The following DDX41 variants were observed in gnomAD, a reference collection of about 807,000 sequenced individuals.
DDX41 encodes DEAD-box helicase 41.
In DDX41, 50 loss-of-function variants were observed where a neutral mutation model predicts 78.8. The ratio of observed to expected loss-of-function variants is 0.63; its 90% confidence interval spans 0.51 to 0.80. The LOEUF (loss-of-function observed/expected upper bound fraction) is 0.80, where lower values mean the gene tolerates loss of function less well. Among genes scored for constraint, DDX41 ranks in the 30% least tolerant of loss-of-function variants. DDX41 has a pLI of 0.00. For missense variants in DDX41, 633 were observed against 849.2 expected (o/e 0.75, Z 3.16); for synonymous variants, 381 against 321.5 (o/e 1.19, Z -1.98).
chr5:177,516,707 C>A lies in DDX41; in HGVS notation c.138+18G>T. 3.8e-6 allele frequency: 6 copies of A among 1,572,132 alleles called. No individual in the cohort carries two copies. Among genetic ancestry groups the A allele is most frequent in the Non-Finnish European group, 4.3e-6 (5 of 1,159,030 alleles). ...CCGCGGTCACGGCCCCATCCCTCCC[C>A]GGACGCGTGCCCCTCACCAGTAGCT... On this transcript the variant is annotated intron_variant, in intron 2 of 16. Coordinates refer to ENST00000330503, the MANE Select transcript of DDX41 (RefSeq NM_016222.4).
chr5:177,512,025 C>T (rs1215882425), intron 16 of DDX41, 71 bp downstream of exon 16: 32 of 1,606,678 alleles, frequency 2.0e-5, no homozygotes, highest in Admixed American at 3.3e-5. Flanking sequence ...ACCGGTTTCA[C>T]GTTTCTGACT....
intron 6 of DDX41, 189 bp from the exon 7 acceptor site, chr5:177,515,447 G>C (rs1332082772): frequency 1.2e-6 from 1 of 867,416 alleles, no homozygotes; most frequent in African/African-American, 1.7e-5. Flanking sequence ...GGTGCAGCCA[G>C]GATTTGTACC....
rs1761022172 is a variant in DDX41 at position 177,512,578 on chromosome 5, T to G, written c.1467A>C (p.Thr489=). The change falls in exon 14 of 17, where the codon ACA becomes ACC. Residue 489 remains threonine, a synonymous_variant. Coordinates refer to ENST00000330503, the MANE Select transcript of DDX41 (RefSeq NM_016222.4). ...REGKKDVLVA[T]DVASKGLDFP... is the part of the protein sequence containing the mutation. ...AGTCCAGGCCCTTGGAGGCAACGTCTGTGGCTACTAGGACATCCTTCTTGC... is the reference window on the plus strand; with the variant it reads ...AGTCCAGGCCCTTGGAGGCAACGTCGGTGGCTACTAGGACATCCTTCTTGC... 6.2e-7 allele frequency: 1 copy of G among 1,614,064 alleles called. No individual in the cohort carries two copies. The highest frequency in any genetic ancestry group is 8.5e-7 in the Non-Finnish European group (1 of 1,180,028).
intron 16 of DDX41, 70 bp from the exon 17 acceptor site, chr5:177,511,997 G>T (rs577104610): frequency 7.3e-5 from 118 of 1,606,206 alleles, no homozygotes; most frequent in Non-Finnish European, 9.8e-5. Flanking sequence ...CGGGCCCCCC[G>T]TTAGGCACCC....
At position 177,516,147 on chromosome 5, in the gene DDX41, C is replaced by T. The variant is rs1761221426; in HGVS notation, c.345G>A (p.Lys115=). 3.1e-6 allele frequency: 5 copies of T among 1,613,946 alleles called. No homozygotes were observed. The Admixed American group carries it at 8.3e-5, about 27-fold the overall frequency. Residue 115 remains lysine, a synonymous_variant, in exon 4 of 17, where the codon AAG becomes AAA. Coordinates refer to ENST00000330503, the MANE Select transcript of DDX41 (RefSeq NM_016222.4). ...AKEKQLKEEE[K]ILESVAEGRA... The stretch of plus-strand genomic sequence containing the variant: ...GGCCCTCGGCAACACTCTCCAGGAT[C>T]TTCTCTTCTTCCTTCAGCTGCTTCT...
Position 177,514,754 on chromosome 5 carries a change from G to A in DDX41, c.882C>T (p.Cys294=), listed in dbSNP as rs550154951. ...CGGACATGCCCCCAATGCAGAGGGC[G>A]CAGCGCAGGAGTGGTGAGCTGTCCT... ...LQEDSSPLLR[C]ALCIGGMSVK... The change falls in exon 9 of 17, where the codon TGC becomes TGT. Residue 294 remains cysteine (C), a synonymous_variant. Transcript: ENST00000330503. The surrounding 1 kb of genome is among the most constrained non-coding windows in gnomAD (Gnocchi z 4.2). 275 of 1,612,790 alleles carry A rather than the reference G, an allele frequency of 1.7e-4. No individual in the cohort carries two copies. The South Asian group carries it at 2.5e-3, about 15-fold the overall frequency.
At chr5:177,515,531 G>A in intron 6 of DDX41, 154 bp downstream of exon 6, 2 of 1,007,082 alleles carry the variant, frequency 2.0e-6, no homozygotes, top group South Asian at 1.5e-5. Flanking sequence ...GTACAGCTGA[G>A]GCAACAAGGA....
chr5:177,513,355 G>A lies in DDX41; in HGVS notation c.1228C>T (p.Gln410Ter). 3 of 1,614,092 alleles carry A rather than the reference G, an allele frequency of 1.9e-6. No homozygotes were observed. In the South Asian group the frequency reaches 3.3e-5, roughly 18 times the overall value. The change falls in exon 11 of 17, where the codon CAG becomes TAG. Residue 410 changes from glutamine to a stop codon, truncating the protein, a stop_gained and splice_region_variant. Coordinates refer to ENST00000330503, the MANE Select transcript of DDX41 (RefSeq NM_016222.4). LOFTEE classifies it high-confidence loss of function. This position sits in a 1 kb window ranked among gnomAD's most constrained non-coding sequence, Gnocchi z 4.6. ...RAGAASLDVI[Q>*]EVEYVKEEAK... is the part of the protein sequence containing the mutation. ...GCCCATCAGGAGCACCTGCCCACCT[G>A]GATGACATCCAGGCTGGCAGCCCCA...
chr5:177,512,069 G>A lies in DDX41; in HGVS notation c.1732+27C>T, dbSNP rs546916642. ...CCCTCCTTGCCACCTGCCGGCTGGG[G>A]ACTCGGGGATCCCGCTCTGCAGTCA... On this transcript the variant is annotated intron_variant, in intron 16 of 16. Transcript: ENST00000330503. 8 of 1,610,522 alleles carry A rather than the reference G, an allele frequency of 5.0e-6. No homozygotes were observed. The South Asian group carries it at 8.8e-5, about 18-fold the overall frequency.
At position 177,512,660 on chromosome 5, in the gene DDX41, GCAGA is replaced by G. The variant is rs770814727; in HGVS notation, c.1400-19_1400-16del. 11 of 1,613,732 alleles carry G rather than the reference GCAGA, an allele frequency of 6.8e-6. No homozygotes were observed. The highest frequency in any genetic ancestry group is 5.0e-5 in the Admixed American group (3 of 60,000). ...TTCCTCCTGGTCTGGGGAGGGTCAG[GCAGA>G]CACTGTCAGAGCCACCATGGGACAG... On this transcript the variant is annotated splice_polypyrimidine_tract_variant and intron_variant, in intron 13 of 16. Transcript: ENST00000330503.
In DDX41 at chr5:177,511,931, G is replaced by C; in HGVS notation, c.1733-4C>G. On this transcript the variant is annotated splice_polypyrimidine_tract_variant and splice_region_variant and intron_variant, in intron 16 of 16. Coordinates refer to ENST00000330503, the MANE Select transcript of DDX41 (RefSeq NM_016222.4). ...CAGAAGGCACAGCCGCGCTCTCCTG[G>C]GGGAATGGGGACAGGGGTCAGCCAA... 1 of 1,613,648 alleles carries C rather than the reference G, an allele frequency of 6.2e-7. No homozygotes were observed.
Position 177,515,756 on chromosome 5 carries a change from T to C in DDX41, c.500A>G (p.Tyr167Cys). The change falls in exon 6 of 17, where the codon TAC becomes TGC. Residue 167 changes from tyrosine (Y) to cysteine (C), a missense_variant. Physicochemically the swap from Tyr to Cys is radical, Grantham distance 194 (BLOSUM62 -2). This residue lies in a region of DDX41 where 126 missense variants were observed against 115.5 expected (regional missense o/e 1.09). Transcript: ENST00000330503. The part of the protein sequence containing the change: ...EERHERVRKK[Y>C]HILVEGDGIP... ...ACCGTCTCCCTCCACCAGGATGTGG[T>C]ATTTCTTCCGCACGCGCTCATGTCG... 1 of 1,614,134 alleles carries C rather than the reference T, an allele frequency of 6.2e-7. No individual in the cohort carries two copies. Among genetic ancestry groups the C allele is most frequent in the Non-Finnish European group, 8.5e-7 (1 of 1,180,032 alleles).
rs761993024 is a variant in DDX41, at chr5:177,515,765, C to T, written c.491G>A (p.Arg164Gln). The T allele has an allele frequency of 1.8e-5, 29 of 1,614,156 alleles. No individual in the cohort carries two copies. The highest frequency in any genetic ancestry group is 3.3e-4 in the Middle Eastern group (2 of 6,062). ...SMSEERHERV[R>Q]KKYHILVEGD... ...CTCCACCAGGATGTGGTATTTCTTCCGCACGCGCTCATGTCGCTCTTCAGA... is the reference window on the plus strand; with the variant it reads ...CTCCACCAGGATGTGGTATTTCTTCTGCACGCGCTCATGTCGCTCTTCAGA... The change falls in exon 6 of 17, where the codon CGG (arginine) becomes CAG (glutamine). Residue 164 changes from arginine (R) to glutamine (Q), a missense_variant. Physicochemically the swap from Arg to Gln is conservative, Grantham distance 43. Around this residue, in one of 6 missense-constraint regions of DDX41, gnomAD observed 126 missense variants for 115.5 expected, o/e 1.09. Coordinates refer to ENST00000330503, the MANE Select transcript of DDX41 (RefSeq NM_016222.4).
chr5:177,516,818 C>T lies in DDX41; in HGVS notation c.45G>A (p.Glu15=). 6.2e-7 allele frequency: 1 copy of T among 1,612,640 alleles called. No individual in the cohort carries two copies. Among genetic ancestry groups the T allele is most frequent in the East Asian group, 2.2e-5 (1 of 44,872 alleles). Residue 15 remains glutamate (E), a synonymous_variant, in exon 2 of 17, where the codon GAG becomes GAA. Coordinates refer to ENST00000330503, the MANE Select transcript of DDX41 (RefSeq NM_016222.4). ...CGGAGCGGCTTCCTCCGGCAGGCAC[C>T]TCGTCGGTGCGAGCCCGCTGCAAGC... ...EPERKRARTD[E]VPAGGSRSEA... is the part of the protein sequence containing the mutation.
rs201997819 is a variant in DDX41 at position 177,513,017 on chromosome 5, G to C, written c.1296C>G (p.Pro432=). ...VYLLECLQKT[P]PPVLIFAEKK... is the part of the protein sequence containing the mutation. ...CTGGCCTGGCTGCACTCACAGGCGG[G>C]GGTGTCTTCTGCAGGCACTCGAGCA... Residue 432 remains proline (P), a synonymous_variant, in exon 12 of 17, where the codon CCC becomes CCG. Coordinates refer to ENST00000330503, the MANE Select transcript of DDX41 (RefSeq NM_016222.4). The surrounding 1 kb of genome is among the most constrained non-coding windows in gnomAD (Gnocchi z 4.6). 14 of 1,613,780 alleles carry C rather than the reference G, an allele frequency of 8.7e-6. No individual in the cohort carries two copies. The Admixed American group carries it at 2.2e-4, about 25-fold the overall frequency.
intron 2 of DDX41, 110 bp from the exon 3 acceptor site, chr5:177,516,557 C>T: frequency 1.4e-6 from 2 of 1,460,094 alleles, no homozygotes; most frequent in Non-Finnish European, 1.9e-6. Context: ...CAAAGCTGCC[C>T]TACCCCTCAG....
intron 13 of DDX41, 64 bp downstream of exon 13, chr5:177,512,716 G>A (rs773915444): frequency 6.2e-7 from 1 of 1,613,066 alleles, no homozygotes; most frequent in Admixed American, 1.7e-5. Flanking sequence ...CCAGGCAGGG[G>A]AAGGCATTAG....
rs767255662 is a variant in DDX41, at chr5:177,513,356, G to A, written c.1227C>T (p.Ile409=). 6.2e-7 allele frequency: 1 copy of A among 1,614,086 alleles called. No individual in the cohort carries two copies. The highest frequency in any genetic ancestry group is 1.1e-5 in the South Asian group (1 of 91,086). ...GRAGAASLDV[I]QEVEYVKEEA... is the part of the protein sequence containing the mutation. ...CCCATCAGGAGCACCTGCCCACCTG[G>A]ATGACATCCAGGCTGGCAGCCCCAG... Residue 409 remains isoleucine, a synonymous_variant, in exon 11 of 17, where the codon ATC becomes ATT. Coordinates refer to ENST00000330503, the MANE Select transcript of DDX41 (RefSeq NM_016222.4). The surrounding 1 kb of genome is among the most constrained non-coding windows in gnomAD (Gnocchi z 4.6).
chr5:177,516,960 A>C lies in DDX41; in HGVS notation c.-15T>G. 2 of 1,607,552 alleles carry C rather than the reference A, an allele frequency of 1.2e-6. No individual in the cohort carries two copies. The highest frequency in any genetic ancestry group is 1.7e-6 in the Non-Finnish European group (2 of 1,175,570). On this transcript the variant is annotated 5_prime_UTR_variant, in exon 1 of 17. The change abolishes an upstream ATG in the 5' untranslated region. Coordinates refer to ENST00000330503, the MANE Select transcript of DDX41 (RefSeq NM_016222.4). Reference sequence around the variant, plus strand: ...GACTCCTCCATTCTTTGCTGCACGCATGCGCGCCACGGCGAAACCCCGCCT... The same window carrying C: ...GACTCCTCCATTCTTTGCTGCACGCCTGCGCGCCACGGCGAAACCCCGCCT...
Sources: allele counts gnomAD v4.1 joint callset, GRCh38; gene constraint gnomAD v4.1.1; regional missense constraint gnomAD v4.1.1; non-coding constraint Gnocchi (gnomAD v3.1); transcripts MANE v1.5; gene names NCBI Gene and HGNC (gene_info 2026-07-23, HGNC 2026-07-21).